ORC5: variants seen among roughly 807,000 people sequenced by gnomAD.
ORC5 encodes protein phosphatase 1, regulatory subunit 117.
ORC5 carries 39 observed loss-of-function variants against 58.8 expected under a neutral mutation model. That is an observed-to-expected ratio of 0.66 (90% CI 0.51 to 0.87). The LOEUF is 0.87. Ranked by LOEUF, ORC5 falls within the 40% of genes least tolerant of loss-of-function variation. ORC5 has a pLI of 0.00. For synonymous variants in ORC5, 218 were observed against 177.6 expected (o/e 1.23, Z -1.81); for missense variants, 493 against 506.3 (o/e 0.97, Z 0.25).
Position 104,133,220 on chromosome 7 carries a change from A to G in ORC5, c.1262+3561T>C, listed in dbSNP as rs1217292250. Among the ~76,000 whole-genome samples, 1 of 152,194 alleles carries G rather than the reference A, an allele frequency of 6.6e-6. No individual in the cohort carries two copies. Among genetic ancestry groups the G allele is most frequent in the Non-Finnish European group, 1.5e-5 (1 of 68,034 alleles). ...ATTCTGGCTACAGCATGGATAATAA[A>G]TTATAAGAGGATAAGAGCAGACAGA... is the stretch of plus-strand genomic sequence containing the variant. On this transcript the variant is annotated intron_variant, in intron 13 of 13. Transcript: ENST00000297431. The surrounding 1 kb of genome is among the most constrained non-coding windows in gnomAD (Gnocchi z 4.7).
intron 13 of ORC5, among the ~76,000 whole-genome samples, chr7:104,132,253 T>C (rs2115733648): frequency 6.6e-6 from 1 of 152,300 alleles, no homozygotes; most frequent in Non-Finnish European, 1.5e-5. Flanking sequence ...CCTAGTTTTC[T>C]TGTATATGCA....
chr7:104,174,772 G>C (rs765073531), intron 8 of ORC5, among the ~76,000 whole-genome samples: 6 of 152,178 alleles, frequency 3.9e-5, no homozygotes, highest in Non-Finnish European at 5.9e-5. Flanking sequence ...GCAAAATAGA[G>C]GCATTTAACT....
intron 12 of ORC5, among the ~76,000 whole-genome samples, chr7:104,158,599 G>A (rs1385993143): frequency 6.6e-6 from 1 of 151,884 alleles, no homozygotes; most frequent in African/African-American, 2.4e-5. Flanking sequence ...CTAATATCCA[G>A]AATCTACAAT....
intron 8 of ORC5, among the ~76,000 whole-genome samples, chr7:104,172,263 A>C (rs1289110959): frequency 6.6e-6 from 1 of 152,254 alleles, no homozygotes; most frequent in Non-Finnish European, 1.5e-5. Flanking sequence ...CTATGGGACT[A>C]GAAGTCCTTT....
At chr7:104,152,203 C>A (rs1171683140) in intron 12 of ORC5, among the ~76,000 whole-genome samples, 1 of 152,114 alleles carries the variant, frequency 6.6e-6, no homozygotes, top group African/African-American at 2.4e-5. Flanking sequence ...GGCTGGAGTG[C>A]AGTGGTACAA....
intron 9 of ORC5, chr7:104,167,885 C>G (rs897218499): frequency 6.6e-6 from 1 of 152,212 alleles, no homozygotes; most frequent in African/African-American, 2.4e-5. Flanking sequence ...TGTAAAGCAT[C>G]TGGAACACAT....
intron 6 of ORC5, chr7:104,187,731 A>AT: frequency 1.0e-6 from 1 of 952,870 alleles, no homozygotes; most frequent in Non-Finnish European, 1.2e-6. Context: ...AAAAAAAAAA[A>AT]TTAAAAAGAA....
At chr7:104,161,020 T>TAA in intron 12 of ORC5, 52 bp downstream of exon 12, 1 of 975,930 alleles carries the variant, frequency 1.0e-6, no homozygotes, top group Non-Finnish European at 1.7e-6. Flanking sequence ...TTGACTCTAC[T>TAA]ATCTGAAGAA....
intron 12 of ORC5, among the ~76,000 whole-genome samples, chr7:104,155,740 T>C (rs1276389773): frequency 6.6e-6 from 1 of 151,596 alleles, no homozygotes; most frequent in Non-Finnish European, 1.5e-5. Context: ...AAGTGGTATC[T>C]CTGATAATCT....
chr7:104,206,895 C>T (rs1188636294), intron 1 of ORC5, among the ~76,000 whole-genome samples: 1 of 152,178 alleles, frequency 6.6e-6, no homozygotes, highest in Non-Finnish European at 1.5e-5. Flanking sequence ...GAGGAACAGG[C>T]TACACCATAC....
rs374214311 is a variant in ORC5 at position 104,207,940 on chromosome 7, G to A, written c.-36C>T. On this transcript the variant is annotated 5_prime_UTR_variant, in exon 1 of 14. Transcript: ENST00000297431. ...ACCACCGCAGAGGCCAGTGCAGCCA[G>A]CCCACAGGACCCTTGCACAAGACGG... The A allele has an allele frequency of 6.3e-7, 1 of 1,592,086 alleles. No individual in the cohort carries two copies.
At chr7:104,206,179 G>A (rs1246161434) in intron 1 of ORC5, among the ~76,000 whole-genome samples, 4 of 151,984 alleles carry the variant, frequency 2.6e-5, no homozygotes, top group Admixed American at 6.6e-5. Context: ...CATAAATCTC[G>A]CTAACATAAA....
At chr7:104,161,345 T>C (rs893991109) in intron 11 of ORC5, among the ~76,000 whole-genome samples, 163 bp from the exon 12 acceptor site, 1 of 152,186 alleles carries the variant, frequency 6.6e-6, no homozygotes, top group Non-Finnish European at 1.5e-5. Flanking sequence ...TTAACTGATA[T>C]GATCATGATT....
intron 12 of ORC5, among the ~76,000 whole-genome samples, chr7:104,143,267 T>A (rs1321649087): frequency 6.6e-6 from 1 of 152,202 alleles, no homozygotes; most frequent in African/African-American, 2.4e-5. Flanking sequence ...ACTCACATAT[T>A]TAGATTCTTT....
intron 6 of ORC5, 190 bp from the exon 7 acceptor site, chr7:104,184,361 T>C (rs960138343): frequency 5.3e-6 from 3 of 567,014 alleles, no homozygotes; most frequent in African/African-American, 3.8e-5. Context: ...GGCAGGGGGA[T>C]TGCTTGAGCC....
At chr7:104,141,268 G>A (rs1401063527) in intron 12 of ORC5, among the ~76,000 whole-genome samples, 1 of 152,084 alleles carries the variant, frequency 6.6e-6, no homozygotes, top group Non-Finnish European at 1.5e-5. Context: ...TTAGAAATCT[G>A]GTATATGCTA....
chr7:104,184,681 C>T (rs1272844290), intron 6 of ORC5, among the ~76,000 whole-genome samples: 1 of 151,792 alleles, frequency 6.6e-6, no homozygotes, highest in African/African-American at 2.4e-5. Flanking sequence ...CAAGAACAGC[C>T]CTGAAAAGCT....
rs183014406 is a variant in ORC5 at position 104,166,481 on chromosome 7, C to T, written c.990+291G>A. Among the ~76,000 whole-genome samples the T allele has an allele frequency of 9.2e-5, 14 of 152,190 alleles. No homozygotes were observed. The East Asian group carries it at 9.7e-4, about 10-fold the overall frequency. ...GAGTTTTAGAACAACAAAGAGTTAC[C>T]GCTCTTAAAATTATTTCCATCCTCC... is the stretch of plus-strand genomic sequence containing the variant. On this transcript the variant is annotated intron_variant, in intron 10 of 13. Coordinates refer to ENST00000297431, the MANE Select transcript of ORC5 (RefSeq NM_002553.4).
At chr7:104,187,920 CTCTTT>C in intron 6 of ORC5, 1 of 997,748 alleles carries the variant, frequency 1.0e-6, no homozygotes, top group Non-Finnish European at 1.2e-6. Context: ...GTTTTTACAT[CTCTTT>C]TCTGTTATTC....
Sources: gnomAD v4.1 joint callset for allele counts (sites outside exome capture counted in the v4.1 genomes callset) on GRCh38, gnomAD v4.1.1 for gene constraint, Gnocchi (gnomAD v3.1) non-coding constraint, MANE v1.5 for transcripts, NCBI Gene and HGNC (gene_info 2026-07-23, HGNC 2026-07-21) for gene names.